FAM114A1: variants seen among roughly 807,000 people sequenced by gnomAD.
FAM114A1 encodes the protein protein NOXP20.
In FAM114A1, 62 loss-of-function variants were observed where a neutral mutation model predicts 64.3. The ratio of observed to expected loss-of-function variants is 0.96; its 90% CI spans 0.79 to 1.19. FAM114A1 has a LOEUF of 1.19. FAM114A1 is among the 50% of genes most tolerant of loss of function. FAM114A1 has a pLI of 0.00. For synonymous variants in FAM114A1, 254 were observed against 251.1 expected (o/e 1.01, Z -0.11); for missense variants, 645 against 676.3 (o/e 0.95, Z 0.51).
chr4:38,924,955 T>C (rs1330115013), intron 9 of FAM114A1, among the ~76,000 whole-genome samples: 1 of 152,256 alleles, frequency 6.6e-6, no homozygotes, highest in East Asian at 1.9e-4. Flanking sequence ...CAAGGAGATA[T>C]TGTTGCCAAT....
intron 2 of FAM114A1, among the ~76,000 whole-genome samples, chr4:38,870,649 C>T (rs1713961471): frequency 6.6e-6 from 1 of 152,170 alleles, no homozygotes; most frequent in South Asian, 2.1e-4. Context: ...GGTTGAGTCT[C>T]CCTAGCCTCC....
chr4:38,934,639 T>A (rs1481443061), intron 12 of FAM114A1, among the ~76,000 whole-genome samples: 1 of 152,224 alleles, frequency 6.6e-6, no homozygotes, highest in Non-Finnish European at 1.5e-5. Context: ...GGTAATCAGA[T>A]TGTTTTCAGT....
intron 4 of FAM114A1, among the ~76,000 whole-genome samples, chr4:38,900,735 AT>A (rs1429293398): frequency 1.3e-5 from 2 of 152,178 alleles, no homozygotes; most frequent in African/African-American, 2.4e-5. Context: ...GACTACTGGA[AT>A]GTAGAATGAT....
chr4:38,923,709 C>G (rs1719848812), intron 9 of FAM114A1, among the ~76,000 whole-genome samples: 1 of 152,180 alleles, frequency 6.6e-6, no homozygotes, highest in Admixed American at 6.5e-5. Flanking sequence ...CTGACAAAGT[C>G]TGTACCATTT....
chr4:38,934,681 G>A (rs1266520347), intron 12 of FAM114A1, among the ~76,000 whole-genome samples: 2 of 152,104 alleles, frequency 1.3e-5, no homozygotes, highest in African/African-American at 4.8e-5. Context: ...TAGGATAAAT[G>A]TTGTTTTTGT....
At chr4:38,940,459 G>A (rs1381559523) in intron 13 of FAM114A1, among the ~76,000 whole-genome samples, 1 of 151,794 alleles carries the variant, frequency 6.6e-6, no homozygotes, top group Non-Finnish European at 1.5e-5. Flanking sequence ...AATGGAAGGA[G>A]GCCCAAAAAA....
intron 2 of FAM114A1, among the ~76,000 whole-genome samples, chr4:38,869,891 T>C (rs550964510): frequency 6.6e-6 from 1 of 152,332 alleles, no homozygotes; most frequent in Non-Finnish European, 1.5e-5. Context: ...ACTTGAAAGA[T>C]GAAGGCAGTC....
At position 38,891,757 on chromosome 4, in the gene FAM114A1, T is replaced by A; in HGVS notation, c.363T>A (p.Pro121=). The A allele has an allele frequency of 1.9e-6, 3 of 1,609,566 alleles. No individual in the cohort carries two copies. The highest frequency in any genetic ancestry group is 2.5e-6 in the Non-Finnish European group (3 of 1,178,052). Residue 121 remains proline (P), a synonymous_variant, in exon 4 of 15, where the codon CCT becomes CCA. Transcript: ENST00000358869. ...QEQNYLAVDS[P]PSGGGWAGWG... ...TTTTTCTCCAGGCTGTGGATTCCCC[T>A]CCAAGTGGAGGAGGATGGGCAGGCT...
At chr4:38,878,835 A>C (rs1401879816) in intron 3 of FAM114A1, among the ~76,000 whole-genome samples, 1 of 152,214 alleles carries the variant, frequency 6.6e-6, no homozygotes, top group South Asian at 2.1e-4. Context: ...ATCACACATC[A>C]TGACTCCAGA....
At chr4:38,910,418 G>T (rs980422361) in intron 7 of FAM114A1, among the ~76,000 whole-genome samples, 7 of 152,298 alleles carry the variant, frequency 4.6e-5, no homozygotes, top group African/African-American at 1.7e-4. Flanking sequence ...GTCCCAGGGG[G>T]CTCTCATGGC....
chr4:38,874,488 G>C (rs1324249697), intron 2 of FAM114A1, among the ~76,000 whole-genome samples: 1 of 152,090 alleles, frequency 6.6e-6, no homozygotes, highest in Non-Finnish European at 1.5e-5. Context: ...ACCTATTTAT[G>C]TCATTTGCCC....
intron 7 of FAM114A1, among the ~76,000 whole-genome samples, 181 bp downstream of exon 7, chr4:38,908,907 G>A (rs918794750): frequency 2.6e-5 from 4 of 152,144 alleles, no homozygotes; most frequent in African/African-American, 9.7e-5. Context: ...CCTCAGAGGA[G>A]ACAACCAGTT....
At chr4:38,940,528 TAA>T (rs1472864654) in intron 13 of FAM114A1, among the ~76,000 whole-genome samples, 2 of 152,080 alleles carry the variant, frequency 1.3e-5, no homozygotes, top group African/African-American at 4.8e-5. Context: ...TATTTTAAAA[TAA>T]AAGTGCCAAA....
intron 14 of FAM114A1, among the ~76,000 whole-genome samples, chr4:38,943,070 G>C (rs150971406): frequency 6.6e-6 from 1 of 152,078 alleles, no homozygotes; most frequent in African/African-American, 2.4e-5. Flanking sequence ...GTGCACGCCC[G>C]TAGTCCCAGC....
At chr4:38,913,412 G>GTTTTTTTA (rs1718747277) in intron 7 of FAM114A1, among the ~76,000 whole-genome samples, 1 of 151,636 alleles carries the variant, frequency 6.6e-6, no homozygotes, top group Admixed American at 6.6e-5. Flanking sequence ...TTGTTTTTTT[G>GTTTTTTTA]TTTTGAGACC....
At chr4:38,880,967 T>C (rs1339637564) in intron 3 of FAM114A1, among the ~76,000 whole-genome samples, 2 of 152,042 alleles carry the variant, frequency 1.3e-5, no homozygotes, top group Admixed American at 6.6e-5. Flanking sequence ...GGTGGATCAC[T>C]TGAGGTCAGG....
At chr4:38,908,300 A>G in intron 6 of FAM114A1, among the ~76,000 whole-genome samples, 1 of 151,998 alleles carries the variant, frequency 6.6e-6, no homozygotes, top group East Asian at 1.9e-4. Context: ...ATTCATACAC[A>G]GAGAGCCAGT....
At chr4:38,894,162 CAAAAAAAAAA>C (rs60660305) in intron 4 of FAM114A1, among the ~76,000 whole-genome samples, 4 of 80,392 alleles carry the variant, frequency 5.0e-5, no homozygotes, top group South Asian at 4.4e-4. Context: ...GAGTATGTCT[CAAAAAAAAAA>C]AAAAAAAAAA....
At chr4:38,925,380 G>A (rs1312419404) in intron 9 of FAM114A1, among the ~76,000 whole-genome samples, 1 of 152,170 alleles carries the variant, frequency 6.6e-6, no homozygotes, top group Non-Finnish European at 1.5e-5. Context: ...ACCCCAGAAA[G>A]GTTCAGGGAT....
Sources: allele counts gnomAD v4.1 joint callset (sites outside exome capture counted in the v4.1 genomes callset), GRCh38; gene constraint gnomAD v4.1.1; transcripts MANE v1.5; gene names NCBI Gene and HGNC (gene_info 2026-07-23, HGNC 2026-07-21).